BCAR3: variants seen among roughly 807,000 people sequenced by gnomAD.
BCAR3 encodes the protein breast cancer anti-estrogen resistance protein 3.
A neutral mutation model predicts 80.1 loss-of-function variants in BCAR3; 37 were observed. The ratio of observed to expected loss-of-function variants is 0.46; its 90% CI spans 0.36 to 0.61. BCAR3 has a LOEUF of 0.61. BCAR3 is among the 20% of genes least tolerant of loss of function. The pLI, the probability that BCAR3 is intolerant of heterozygous loss-of-function variation, is 0.00. For synonymous variants in BCAR3, 389 were observed against 418.9 expected, an observed-to-expected ratio of 0.93 and a Z score of 0.87; for missense variants, 978 against 1,068.2, an observed-to-expected ratio of 0.92 and a Z score of 1.18.
At chr1:93,767,517 C>T (rs1557681653) in intron 2 of BCAR3, among the ~76,000 whole-genome samples, 1 of 144,038 alleles carries the variant, frequency 6.9e-6, no homozygotes, top group Admixed American at 7.0e-5. Context: ...GAGTGAGACT[C>T]TGTCTCAAAA....
upstream of BCAR3, among the ~76,000 whole-genome samples, chr1:93,684,638 AT>A (rs1648909673): frequency 6.6e-6 from 1 of 152,236 alleles, no homozygotes; most frequent in Non-Finnish European, 1.5e-5. Flanking sequence ...TCAACCATAA[AT>A]TCATTCAATA....
chr1:93,648,037 G>A lies in BCAR3; in HGVS notation c.318-5694C>T, dbSNP rs369895973. Among the ~76,000 whole-genome samples the A allele has an allele frequency of 1.4e-4, 21 of 152,252 alleles. No individual in the cohort carries two copies. The East Asian group carries it at 3.9e-3, about 28-fold the overall frequency. ...GATCCGCCCACCTCGGCCTCCCAAA[G>A]TGCTGGGATTACAGATGTGAGCCAC... is the stretch of plus-strand genomic sequence containing the variant. On this transcript the variant is annotated intron_variant, in intron 2 of 11. Coordinates refer to ENST00000260502, the MANE Select transcript of BCAR3 (RefSeq NM_003567.4).
intron 3 of BCAR3, among the ~76,000 whole-genome samples, chr1:93,690,467 G>A (rs1649149955): frequency 6.6e-6 from 1 of 152,160 alleles, no homozygotes; most frequent in South Asian, 2.1e-4. Flanking sequence ...ATGAGGACAT[G>A]GTCCTTGCCC....
intron 2 of BCAR3, among the ~76,000 whole-genome samples, chr1:93,774,447 G>A (rs12119101): frequency 0.12 from 17,524 of 148,336 alleles, 1,437 homozygotes; most frequent in African/African-American, 0.23. Flanking sequence ...TCGGACCACT[G>A]CACTCCAGCC....
At chr1:93,806,824 A>C (rs1474505167) in intron 2 of BCAR3, among the ~76,000 whole-genome samples, 2 of 152,186 alleles carry the variant, frequency 1.3e-5, no homozygotes, top group Non-Finnish European at 2.9e-5. Flanking sequence ...AAGTTATAAA[A>C]GAATAGTAGA....
At chr1:93,680,838 T>C (rs576385768) in intron 1 of BCAR3, among the ~76,000 whole-genome samples, 1 of 151,958 alleles carries the variant, frequency 6.6e-6, no homozygotes, top group South Asian at 2.1e-4. Flanking sequence ...CCTCGACGAG[T>C]GTCTACACCT....
chr1:93,704,210 TGAGTGG>T (rs1228010112), intron 3 of BCAR3, among the ~76,000 whole-genome samples: 1 of 151,962 alleles, frequency 6.6e-6, no homozygotes, highest in African/African-American at 2.4e-5. Context: ...CTCACAGGCC[TGAGTGG>T]GAGTGGGTGT....
intron 3 of BCAR3, among the ~76,000 whole-genome samples, chr1:93,695,083 G>A (rs1356793244): frequency 1.3e-5 from 2 of 152,172 alleles, no homozygotes; most frequent in Non-Finnish European, 2.9e-5. Flanking sequence ...TGGCCCTTGA[G>A]CATAATCCTG....
chr1:93,658,894 G>A (rs547538319), intron 2 of BCAR3, among the ~76,000 whole-genome samples: 1 of 152,300 alleles, frequency 6.6e-6, no homozygotes, highest in African/African-American at 2.4e-5. Flanking sequence ...ACCAGAAGCA[G>A]TGGGGCCCAT....
At chr1:93,697,927 G>A (rs1261496162) in intron 3 of BCAR3, among the ~76,000 whole-genome samples, 5 of 152,194 alleles carry the variant, frequency 3.3e-5, no homozygotes, top group Admixed American at 6.5e-5. Flanking sequence ...GTCGTGAGCC[G>A]AGATCGTGCC....
intron 1 of BCAR3, among the ~76,000 whole-genome samples, chr1:93,680,385 AC>A (rs1384094109): frequency 1.3e-5 from 2 of 151,854 alleles, no homozygotes; most frequent in Admixed American, 6.6e-5. Context: ...TATCCTCAAT[AC>A]CCCCTGGCAC....
chr1:93,760,836 T>A (rs57288295), intron 2 of BCAR3, among the ~76,000 whole-genome samples: 1 of 152,010 alleles, frequency 6.6e-6, no homozygotes, highest in Admixed American at 6.5e-5. Flanking sequence ...CAGGAGTTCA[T>A]CCCTGGACCT....
chr1:93,673,622 A>C (rs1355006453), intron 2 of BCAR3, among the ~76,000 whole-genome samples: 1 of 152,234 alleles, frequency 6.6e-6, no homozygotes, highest in East Asian at 1.9e-4. Context: ...GCAGTTTCCA[A>C]ACTAGCTCTA....
At chr1:93,817,011 C>A (rs1654045056) in intron 2 of BCAR3, among the ~76,000 whole-genome samples, 1 of 152,210 alleles carries the variant, frequency 6.6e-6, no homozygotes, top group Non-Finnish European at 1.5e-5. Flanking sequence ...GAACTAGCCT[C>A]TGTCCTGAGC....
intron 7 of BCAR3, among the ~76,000 whole-genome samples, chr1:93,576,509 G>A (rs961937576): frequency 3.3e-5 from 5 of 152,214 alleles, no homozygotes; most frequent in African/African-American, 1.2e-4. Context: ...GGAGCTGACC[G>A]ATCCCCTGCA....
chr1:93,816,172 C>T (rs1654008972), intron 2 of BCAR3, among the ~76,000 whole-genome samples: 1 of 152,082 alleles, frequency 6.6e-6, no homozygotes, highest in African/African-American at 2.4e-5. Context: ...ACCTGGCACA[C>T]AGTAGGCACA....
At chr1:93,723,702 T>G (rs1466961930) in intron 2 of BCAR3, among the ~76,000 whole-genome samples, 1 of 152,138 alleles carries the variant, frequency 6.6e-6, no homozygotes, top group Non-Finnish European at 1.5e-5. Context: ...TGAATGATCC[T>G]GAGACATGAA....
chr1:93,771,617 T>C (rs559644631), intron 2 of BCAR3, among the ~76,000 whole-genome samples: 1 of 152,338 alleles, frequency 6.6e-6, no homozygotes, highest in African/African-American at 2.4e-5. Flanking sequence ...TAAGTTAGAA[T>C]GTCTGTTTAG....
chr1:93,667,876 C>G (rs1006177747), intron 2 of BCAR3, among the ~76,000 whole-genome samples: 1 of 152,248 alleles, frequency 6.6e-6, no homozygotes, highest in Non-Finnish European at 1.5e-5. Context: ...TTCCAATCAA[C>G]CACAGCAACT....
Sources: gnomAD v4.1 joint callset for allele counts (sites outside exome capture counted in the v4.1 genomes callset) on GRCh38, gnomAD v4.1.1 for gene constraint, MANE v1.5 for transcripts, NCBI Gene and HGNC (gene_info 2026-07-23, HGNC 2026-07-21) for gene names.